The following TMEM150C variants were observed in gnomAD, a reference collection of about 807,000 sequenced individuals.
The protein encoded by TMEM150C is tentonin 3.
In TMEM150C, 10 loss-of-function variants were observed where a neutral mutation model predicts 29.9. The ratio of observed to expected loss-of-function variants is 0.33; its 90% CI spans 0.21 to 0.57. The LOEUF is 0.57. TMEM150C is among the 20% of genes least tolerant of loss of function. The pLI, the probability that TMEM150C is intolerant of heterozygous loss-of-function variation, is 0.88. For missense variants in TMEM150C, 251 were observed against 303.6 expected, an observed-to-expected ratio of 0.83 and a Z score of 1.29; for synonymous variants, 101 against 112.5, an observed-to-expected ratio of 0.90 and a Z score of 0.64.
intron 1 of TMEM150C, among the ~76,000 whole-genome samples, chr4:82,547,592 TA>T (rs138450937): frequency 2.5e-4 from 33 of 133,204 alleles, no homozygotes; most frequent in East Asian, 2.2e-4. Flanking sequence ...GTCTCAAAAA[TA>T]AAAAAAAAAG....
chr4:82,511,188 T>C (rs1434540485), intron 1 of TMEM150C, among the ~76,000 whole-genome samples: 1 of 152,220 alleles, frequency 6.6e-6, no homozygotes, highest in East Asian at 1.9e-4. Context: ...ACAATATTAT[T>C]CAATTAATGA....
At chr4:82,490,840 C>A (rs1378779859) in intron 6 of TMEM150C, 3 of 638,570 alleles carry the variant, frequency 4.7e-6, no homozygotes, top group Non-Finnish European at 8.7e-6. Context: ...AGCTTGGTGG[C>A]AAGTTCTTTA....
intron 1 of TMEM150C, among the ~76,000 whole-genome samples, chr4:82,506,976 T>C (rs186943145): frequency 6.6e-6 from 1 of 152,236 alleles, no homozygotes. Flanking sequence ...AACTGACTAA[T>C]AGGGTCTGGG....
intron 5 of TMEM150C, among the ~76,000 whole-genome samples, chr4:82,497,566 T>C (rs1449231880): frequency 1.3e-5 from 2 of 152,236 alleles, no homozygotes; most frequent in East Asian, 1.9e-4. Flanking sequence ...ACTTGATTAA[T>C]ATTTGGATTT....
At chr4:82,552,751 A>G (rs1725622279) in intron 1 of TMEM150C, among the ~76,000 whole-genome samples, 1 of 152,140 alleles carries the variant, frequency 6.6e-6, no homozygotes, top group Admixed American at 6.5e-5. Context: ...TTGTGCAGCC[A>G]TGGTTGAGAA....
At chr4:82,532,077 G>T (rs964378990) in intron 1 of TMEM150C, among the ~76,000 whole-genome samples, 2 of 152,188 alleles carry the variant, frequency 1.3e-5, no homozygotes, top group African/African-American at 4.8e-5. Flanking sequence ...CAGGATCAAA[G>T]AAAGATTTTG....
chr4:82,546,580 G>C (rs1725392632), intron 1 of TMEM150C, among the ~76,000 whole-genome samples: 2 of 152,164 alleles, frequency 1.3e-5, no homozygotes, highest in Admixed American at 6.5e-5. Flanking sequence ...TGTAATCCCA[G>C]CACTTTGGGA....
At chr4:82,529,526 G>A (rs558373955) in intron 1 of TMEM150C, among the ~76,000 whole-genome samples, 31 of 152,222 alleles carry the variant, frequency 2.0e-4, no homozygotes, top group South Asian at 8.3e-4. Context: ...GGGCTCAAGC[G>A]ATTCTCCTGC....
chr4:82,554,182 C>A (rs750173214), intron 1 of TMEM150C, among the ~76,000 whole-genome samples: 4 of 152,130 alleles, frequency 2.6e-5, no homozygotes, highest in Non-Finnish European at 4.4e-5. Context: ...AGTTAATATT[C>A]CTGCTACTAC....
In TMEM150C at chr4:82,530,449, C is replaced by T. The variant is rs933308434; in HGVS notation, c.-10-25782G>A. Among the ~76,000 whole-genome samples the T allele has an allele frequency of 5.9e-5, 9 of 151,970 alleles. No individual in the cohort carries two copies. The South Asian group carries it at 6.2e-4, about 11-fold the overall frequency. On this transcript the variant is annotated intron_variant, in intron 1 of 7. Transcript: ENST00000449862. ...GCGGGTGCCTGTAGTCCCAGTTACT[C>T]GGGAGGCTGAGGCAGGAGAATGGTG...
At chr4:82,539,459 C>CTTTT (rs34120699) in intron 1 of TMEM150C, among the ~76,000 whole-genome samples, 149 of 147,504 alleles carry the variant, frequency 1.0e-3, no homozygotes, top group African/African-American at 3.3e-3. Flanking sequence ...ATCCAAACAA[C>CTTTT]TTTTTTTTTT....
chr4:82,544,680 G>A (rs1344922848), intron 1 of TMEM150C, among the ~76,000 whole-genome samples: 1 of 151,672 alleles, frequency 6.6e-6, no homozygotes, highest in Non-Finnish European at 1.5e-5. Flanking sequence ...TTGGGAGACT[G>A]AGGTAGGAGG....
At chr4:82,542,185 G>A (rs1725222005) in intron 1 of TMEM150C, among the ~76,000 whole-genome samples, 1 of 152,178 alleles carries the variant, frequency 6.6e-6, no homozygotes, top group African/African-American at 2.4e-5. Context: ...ATAGGAGGAA[G>A]CCAGTCAATA....
chr4:82,534,945 A>G (rs1230925220), intron 1 of TMEM150C, among the ~76,000 whole-genome samples: 1 of 152,208 alleles, frequency 6.6e-6, no homozygotes, highest in Non-Finnish European at 1.5e-5. Context: ...TTTGTAAAAA[A>G]CCCAGCAAAC....
chr4:82,515,905 T>C (rs1163025439), intron 1 of TMEM150C, among the ~76,000 whole-genome samples: 1 of 152,074 alleles, frequency 6.6e-6, no homozygotes, highest in Non-Finnish European at 1.5e-5. Flanking sequence ...GCCCCTGGTC[T>C]ACAGCTTTGA....
At chr4:82,520,836 C>G (rs2110078437) in intron 1 of TMEM150C, among the ~76,000 whole-genome samples, 1 of 152,330 alleles carries the variant, frequency 6.6e-6, no homozygotes, top group East Asian at 1.9e-4. Flanking sequence ...GGTCATACCA[C>G]TGCATTCCAG....
intron 1 of TMEM150C, among the ~76,000 whole-genome samples, chr4:82,557,076 G>C (rs1725759530): frequency 6.6e-6 from 1 of 152,210 alleles, no homozygotes; most frequent in Non-Finnish European, 1.5e-5. Context: ...AGAAACATGA[G>C]AGGCAGTGTC....
At chr4:82,540,916 G>T (rs1725180490) in intron 1 of TMEM150C, among the ~76,000 whole-genome samples, 1 of 152,140 alleles carries the variant, frequency 6.6e-6, no homozygotes, top group African/African-American at 2.4e-5. Flanking sequence ...ATGTACAATA[G>T]ATCTTGTGAA....
chr4:82,492,907 AGAT>A (rs1723418602), intron 6 of TMEM150C, among the ~76,000 whole-genome samples: 1 of 96,042 alleles, frequency 1.0e-5, no homozygotes. Flanking sequence ...TATGTATTTG[AGAT>A]GGGGTCTTGC....
Sources: allele counts gnomAD v4.1 joint callset (sites outside exome capture counted in the v4.1 genomes callset), GRCh38; gene constraint gnomAD v4.1.1; transcripts MANE v1.5; gene names NCBI Gene and HGNC (gene_info 2026-07-23, HGNC 2026-07-21).